The following DLG2 variants were observed in gnomAD, a reference collection of about 807,000 sequenced individuals.
DLG2 encodes the protein disks large homolog 2.
DLG2 carries 45 observed loss-of-function variants against 132.5 expected under a neutral mutation model. The ratio of observed to expected loss-of-function variants is 0.34; its 90% CI spans 0.27 to 0.44. DLG2 has a LOEUF of 0.44. Ranked by LOEUF, DLG2 falls within the 20% of genes least tolerant of loss-of-function variation. The pLI, the probability that DLG2 is intolerant of heterozygous loss-of-function variation, is 1.00. For missense variants in DLG2, 1,045 were observed against 1,196.9 expected, an observed-to-expected ratio of 0.87 and a Z score of 1.87; for synonymous variants, 424 against 419.6, an observed-to-expected ratio of 1.01 and a Z score of -0.13.
intron 6 of DLG2, among the ~76,000 whole-genome samples, chr11:84,844,247 T>C (rs1488979939): frequency 2.0e-5 from 3 of 149,944 alleles, no homozygotes; most frequent in Admixed American, 6.7e-5. Flanking sequence ...ATGTGCTTTG[T>C]ACATACTAGG....
intron 6 of DLG2, among the ~76,000 whole-genome samples, chr11:84,914,512 C>G (rs981126603): frequency 6.6e-6 from 1 of 152,134 alleles, no homozygotes; most frequent in African/African-American, 2.4e-5. Flanking sequence ...GTATAAGCAC[C>G]CCAACCCTGA....
intron 19 of DLG2, among the ~76,000 whole-genome samples, chr11:83,568,752 T>C: frequency 6.6e-6 from 1 of 152,256 alleles, no homozygotes; most frequent in Admixed American, 6.5e-5. Context: ...TTGAAAAATG[T>C]CCAATAGATA....
chr11:84,191,237 T>A (rs2096402545), intron 8 of DLG2, among the ~76,000 whole-genome samples: 1 of 152,164 alleles, frequency 6.6e-6, no homozygotes, highest in Admixed American at 6.6e-5. Context: ...GTATAAAACA[T>A]TTATATCAGA....
intron 6 of DLG2, among the ~76,000 whole-genome samples, chr11:85,075,123 T>C (rs974989390): frequency 1.3e-5 from 2 of 151,908 alleles, no homozygotes; most frequent in Admixed American, 6.6e-5. Flanking sequence ...TGTTATTTTA[T>C]CTAAAAAGAC....
intron 7 of DLG2, among the ~76,000 whole-genome samples, chr11:84,352,924 C>T (rs938907556): frequency 6.6e-6 from 1 of 152,128 alleles, no homozygotes; most frequent in Non-Finnish European, 1.5e-5. Context: ...TTACTTCTTT[C>T]TTCTGTTCTC....
chr11:83,576,137 G>T (rs2096870215), intron 19 of DLG2, among the ~76,000 whole-genome samples: 1 of 151,960 alleles, frequency 6.6e-6, no homozygotes, highest in Non-Finnish European at 1.5e-5. Flanking sequence ...AGAATTAAAG[G>T]CAAATTAAAC....
At chr11:84,264,404 G>C (rs1167706085) in intron 7 of DLG2, among the ~76,000 whole-genome samples, 1 of 152,136 alleles carries the variant, frequency 6.6e-6, no homozygotes, top group Admixed American at 6.6e-5. Flanking sequence ...GATACTGCTT[G>C]TTCAGTTTAC....
chr11:85,538,656 AG>A (rs1251316767), intron 3 of DLG2, among the ~76,000 whole-genome samples: 2 of 151,972 alleles, frequency 1.3e-5, no homozygotes, highest in Admixed American at 6.5e-5. Context: ...AATGCTATGC[AG>A]CCATAAAAAA....
At chr11:84,661,970 C>T (rs965737531) in intron 6 of DLG2, among the ~76,000 whole-genome samples, 2 of 152,010 alleles carry the variant, frequency 1.3e-5, no homozygotes, top group Admixed American at 6.6e-5. Flanking sequence ...AATGCATCTG[C>T]CCCTCCCCCA....
At chr11:84,598,976 G>GTCTC (rs1230790933) in intron 6 of DLG2, among the ~76,000 whole-genome samples, 1 of 151,964 alleles carries the variant, frequency 6.6e-6, no homozygotes, top group Admixed American at 6.6e-5. Context: ...CAGGCACAGT[G>GTCTC]TCACATGCCT....
intron 3 of DLG2, among the ~76,000 whole-genome samples, chr11:85,535,165 A>T (rs1264912626): frequency 6.6e-6 from 1 of 152,190 alleles, no homozygotes; most frequent in East Asian, 1.9e-4. Flanking sequence ...AGGAAAGGAA[A>T]ATATAGGGAG....
chr11:84,108,906 T>C (rs1186867085), intron 9 of DLG2, among the ~76,000 whole-genome samples: 1 of 151,972 alleles, frequency 6.6e-6, no homozygotes, highest in African/African-American at 2.4e-5. Context: ...GACTTACTGA[T>C]GGCTGGAACG....
At chr11:85,513,827 C>CT (rs2153163907) in intron 3 of DLG2, among the ~76,000 whole-genome samples, 1 of 152,042 alleles carries the variant, frequency 6.6e-6, no homozygotes, top group East Asian at 1.9e-4. Flanking sequence ...CTTCTAACAG[C>CT]TGTTCTTCAT....
chr11:84,109,126 T>A (rs1438490338), intron 9 of DLG2, among the ~76,000 whole-genome samples: 2 of 151,782 alleles, frequency 1.3e-5, no homozygotes, highest in Non-Finnish European at 2.9e-5. Flanking sequence ...AAAAAAAAAA[T>A]AATAGGTAAC....
chr11:84,726,475 G>A (rs1224967380), intron 6 of DLG2, among the ~76,000 whole-genome samples: 1 of 152,074 alleles, frequency 6.6e-6, no homozygotes, highest in Admixed American at 6.6e-5. Context: ...AGTATTCCAT[G>A]GTGTATATGT....
chr11:85,123,865 A>C (rs2152380091), intron 5 of DLG2, among the ~76,000 whole-genome samples: 1 of 152,334 alleles, frequency 6.6e-6, no homozygotes, highest in East Asian at 1.9e-4. Flanking sequence ...CTATCTTTGA[A>C]CGCACAAATG....
chr11:84,483,091 T>C (rs2099141922), intron 7 of DLG2, among the ~76,000 whole-genome samples: 1 of 152,166 alleles, frequency 6.6e-6, no homozygotes, highest in South Asian at 2.1e-4. Flanking sequence ...ATGGTCATTA[T>C]TCATTAAGGA....
chr11:84,517,097 A>G (rs1281809859), intron 7 of DLG2, among the ~76,000 whole-genome samples: 1 of 150,020 alleles, frequency 6.7e-6, no homozygotes, highest in Non-Finnish European at 1.5e-5. Context: ...GGTTTGAGCA[A>G]TAATTTGGGG....
chr11:84,547,733 T>C (rs1379775898), intron 6 of DLG2, among the ~76,000 whole-genome samples: 1 of 152,160 alleles, frequency 6.6e-6, no homozygotes, highest in Non-Finnish European at 1.5e-5. Flanking sequence ...TCTCAAAGCA[T>C]GTATGTCTCT....
Sources: gnomAD v4.1 joint callset for allele counts (sites outside exome capture counted in the v4.1 genomes callset) on GRCh38, gnomAD v4.1.1 for gene constraint, MANE v1.5 for transcripts, NCBI Gene and HGNC (gene_info 2026-07-23, HGNC 2026-07-21) for gene names.